Variants in GALNT2 observed in about 807,000 individuals in gnomAD.
GALNT2 encodes the protein UDP-GalNAc:polypeptide N-acetylgalactosaminyltransferase 2.
A neutral mutation model predicts 81.4 loss-of-function variants in GALNT2; 31 were observed. The observed-to-expected ratio is 0.38, with a 90% CI of 0.29 to 0.51. GALNT2 has a LOEUF of 0.51. Ranked by LOEUF, GALNT2 falls within the 20% of genes least tolerant of loss-of-function variation. The pLI, the probability that GALNT2 is intolerant of heterozygous loss-of-function variation, is 0.87. For missense variants in GALNT2, 629 were observed against 765.7 expected, an observed-to-expected ratio of 0.82 and a Z score of 2.11; for synonymous variants, 303 against 287.4, an observed-to-expected ratio of 1.05 and a Z score of -0.55.
chr1:230,152,385 AT>A (rs1662118593), intron 1 of GALNT2, among the ~76,000 whole-genome samples: 1 of 152,186 alleles, frequency 6.6e-6, no homozygotes, highest in African/African-American at 2.4e-5. Flanking sequence ...GGTTTTTCAA[AT>A]TGTAAGTTGT....
chr1:230,092,193 T>TTTTTTTTTTTTTTTTTTTTC (rs1660111952), intron 1 of GALNT2, among the ~76,000 whole-genome samples: 1 of 149,824 alleles, frequency 6.7e-6, no homozygotes, highest in Admixed American at 6.6e-5. Flanking sequence ...TTTTTTTTTT[T>TTTTTTTTTTTTTTTTTTTTC]TTTGCACTGA....
At chr1:230,241,781 A>T (rs1425068682) in intron 6 of GALNT2, among the ~76,000 whole-genome samples, 1 of 152,164 alleles carries the variant, frequency 6.6e-6, no homozygotes, top group Non-Finnish European at 1.5e-5. Flanking sequence ...TATTCTTGAT[A>T]CATAGTCTAT....
chr1:230,207,979 C>A (rs184495233), intron 3 of GALNT2, among the ~76,000 whole-genome samples: 2 of 152,194 alleles, frequency 1.3e-5, no homozygotes, highest in East Asian at 1.9e-4. Flanking sequence ...GATTTTGATA[C>A]CTGTCTACAA....
At position 230,271,210 on chromosome 1, in the gene GALNT2, G is replaced by T. The variant is rs1252329609; in HGVS notation, c.1441-3235G>T. Among the ~76,000 whole-genome samples the T allele has an allele frequency of 6.6e-6, 1 of 152,186 alleles. No individual in the cohort carries two copies. Among genetic ancestry groups the T allele is most frequent in the Non-Finnish European group, 1.5e-5 (1 of 68,028 alleles). ...CCTGTGAGTGCAGGGACGGAACAATGTGCTTCTTCCTGGCCCTCTCCATCC... is the reference window on the plus strand; with the variant it reads ...CCTGTGAGTGCAGGGACGGAACAATTTGCTTCTTCCTGGCCCTCTCCATCC... On this transcript the variant is annotated intron_variant, in intron 14 of 15. Transcript: ENST00000366672. This position sits in a 1 kb window ranked among gnomAD's most constrained non-coding sequence, Gnocchi z 4.2.
At chr1:230,086,577 T>G (rs548714173) in intron 1 of GALNT2, among the ~76,000 whole-genome samples, 1 of 151,682 alleles carries the variant, frequency 6.6e-6, no homozygotes, top group South Asian at 2.1e-4. Flanking sequence ...AAGTGAGCAG[T>G]TTTTTTTTCC....
intron 6 of GALNT2, among the ~76,000 whole-genome samples, chr1:230,242,535 T>C (rs538709725): frequency 1.4e-4 from 22 of 152,210 alleles, no homozygotes; most frequent in African/African-American, 5.3e-4. Context: ...TATTTTATTT[T>C]ATTTTTTATT....
At chr1:230,173,885 CTGAG>C (rs1367459058) in intron 1 of GALNT2, among the ~76,000 whole-genome samples, 12 of 151,888 alleles carry the variant, frequency 7.9e-5, no homozygotes, top group Non-Finnish European at 1.5e-4. Context: ...TACAATCAAT[CTGAG>C]TAAGTAGGGC....
intron 1 of GALNT2, among the ~76,000 whole-genome samples, chr1:230,162,343 G>C (rs1289454855): frequency 1.3e-5 from 2 of 152,152 alleles, no homozygotes; most frequent in African/African-American, 4.8e-5. Flanking sequence ...TGAGAATTTA[G>C]CATTCCGGGT....
rs2102698534 is a variant in GALNT2, at chr1:230,193,169, T to C, written c.221-9968T>C. Among the ~76,000 whole-genome samples, 1 of 152,352 alleles carries C rather than the reference T, an allele frequency of 6.6e-6. No individual in the cohort carries two copies. Among genetic ancestry groups the C allele is most frequent in the East Asian group, 1.9e-4 (1 of 5,190 alleles). Reference sequence around the variant, plus strand: ...TGCTCTGTTTTACGTGGGGTAGCTTTAGATTTGTTTAAGCTGTCTTTCCTG... The same window carrying C: ...TGCTCTGTTTTACGTGGGGTAGCTTCAGATTTGTTTAAGCTGTCTTTCCTG... On this transcript the variant is annotated intron_variant, in intron 2 of 15. Transcript: ENST00000366672. This position sits in a 1 kb window ranked among gnomAD's most constrained non-coding sequence, Gnocchi z 4.3.
chr1:230,084,152 C>T (rs1036557681), intron 1 of GALNT2, among the ~76,000 whole-genome samples: 2 of 152,164 alleles, frequency 1.3e-5, no homozygotes, highest in African/African-American at 4.8e-5. Context: ...TTGAGGCCAG[C>T]ACAGGCTTGG....
intron 1 of GALNT2, among the ~76,000 whole-genome samples, chr1:230,105,377 A>C (rs868288): frequency 0.76 from 115,049 of 152,136 alleles, 43,983 homozygotes; most frequent in African/African-American, 0.87. Flanking sequence ...GTCGCACCAT[A>C]TCATTGATTC....
rs147073268 is a variant in GALNT2, at chr1:230,081,873, A to G, written c.126+14467A>G. Among the ~76,000 whole-genome samples the G allele has an allele frequency of 2.3e-3, 358 of 152,346 alleles. 1 individual carries two copies. Among genetic ancestry groups the G allele is most frequent in the Middle Eastern group, 0.017 (5 of 294 alleles). ...ACCTGGTTCAGATCCTGCTGTTACT[A>G]CGGAGTAGCTGTGGGACATTGGCTT... is the stretch of plus-strand genomic sequence containing the variant. On this transcript the variant is annotated intron_variant, in intron 1 of 15. Transcript: ENST00000366672.
intron 1 of GALNT2, among the ~76,000 whole-genome samples, chr1:230,148,512 G>T (rs1277619671): frequency 6.6e-6 from 1 of 152,266 alleles, no homozygotes; most frequent in African/African-American, 2.4e-5. Context: ...GCTTCTAGCG[G>T]TCCCTCACTC....
At position 230,243,528 on chromosome 1, in the gene GALNT2, C is replaced by G; in HGVS notation, c.729+101C>G. The G allele has an allele frequency of 6.9e-7, 1 of 1,441,156 alleles. No individual in the cohort carries two copies. The allele number at this position is 1,441,156 out of a possible 1,614,324, so 89.3% of individuals were successfully genotyped here. ...GGGAGGTGTAACGCAGGGAGTAGGG[C>G]GTCAGGGCTGGTAGGGGCTGAGCTC... On this transcript the variant is annotated intron_variant, in intron 7 of 15. Transcript: ENST00000366672. The surrounding 1 kb of genome is among the most constrained non-coding windows in gnomAD (Gnocchi z 4.2).
chr1:230,231,071 T>C (rs529764867), intron 3 of GALNT2, among the ~76,000 whole-genome samples: 2 of 152,228 alleles, frequency 1.3e-5, no homozygotes, highest in Non-Finnish European at 2.9e-5. Flanking sequence ...GTGTATTCTC[T>C]ACTTGGAGCC....
intron 3 of GALNT2, among the ~76,000 whole-genome samples, chr1:230,218,647 G>A (rs1664459295): frequency 6.6e-6 from 1 of 152,190 alleles, no homozygotes; most frequent in Admixed American, 6.5e-5. Context: ...ACAAAAATCT[G>A]GAATTCAGGA....
At chr1:230,174,618 G>C (rs973278683) in intron 1 of GALNT2, among the ~76,000 whole-genome samples, 7 of 151,990 alleles carry the variant, frequency 4.6e-5, no homozygotes, top group African/African-American at 1.4e-4. Context: ...CACTCCTCCT[G>C]CTGCATTGCC....
intron 3 of GALNT2, among the ~76,000 whole-genome samples, chr1:230,227,299 G>A (rs369519304): frequency 6.6e-6 from 1 of 151,874 alleles, no homozygotes; most frequent in African/African-American, 2.4e-5. Flanking sequence ...TAGAAAAGGA[G>A]GAAAGCTACC....
At chr1:230,219,804 AAC>A (rs1664493329) in intron 3 of GALNT2, among the ~76,000 whole-genome samples, 1 of 152,148 alleles carries the variant, frequency 6.6e-6, no homozygotes, top group Non-Finnish European at 1.5e-5. Context: ...TGTCCCTTAA[AAC>A]ACAATTTGCC....
Sources: allele counts gnomAD v4.1 joint callset (sites outside exome capture counted in the v4.1 genomes callset), GRCh38; gene constraint gnomAD v4.1.1; non-coding constraint Gnocchi (gnomAD v3.1); transcripts MANE v1.5; gene names NCBI Gene and HGNC (gene_info 2026-07-23, HGNC 2026-07-21).